TMEM178B: variants seen among roughly 807,000 people sequenced by gnomAD.
TMEM178B encodes transmembrane protein 178B.
TMEM178B carries 5 observed loss-of-function variants against 31.0 expected under a neutral mutation model. The ratio of observed to expected loss-of-function variants is 0.16; its 90% confidence interval spans 0.08 to 0.34. The LOEUF (loss-of-function observed/expected upper bound fraction) is 0.34. Among genes scored for constraint, TMEM178B ranks in the 10% least tolerant of loss-of-function variants. The pLI is 1.00. For synonymous variants in TMEM178B, 164 were observed against 164.0 expected (o/e 1.00, Z 0.00); for missense variants, 275 against 400.3 (o/e 0.69, Z 2.67).
At chr7:141,290,893 T>A (rs531329184) in intron 2 of TMEM178B, among the ~76,000 whole-genome samples, 3 of 152,284 alleles carry the variant, frequency 2.0e-5, no homozygotes, top group African/African-American at 7.2e-5. Context: ...CTGTGTCCCT[T>A]CCCAAGTGAT....
intron 2 of TMEM178B, among the ~76,000 whole-genome samples, chr7:141,393,678 A>G (rs1050283100): frequency 3.9e-5 from 6 of 152,206 alleles, no homozygotes; most frequent in Admixed American, 3.9e-4. Context: ...TCTTGCAAAG[A>G]TGTTCTCATA....
At chr7:141,326,505 G>T (rs921958437) in intron 2 of TMEM178B, among the ~76,000 whole-genome samples, 1 of 152,160 alleles carries the variant, frequency 6.6e-6, no homozygotes, top group Non-Finnish European at 1.5e-5. Context: ...ATGGGTAGAT[G>T]CCTCACAGTA....
chr7:141,275,760 G>A (rs1333612815), intron 2 of TMEM178B, among the ~76,000 whole-genome samples: 1 of 152,152 alleles, frequency 6.6e-6, no homozygotes, highest in African/African-American at 2.4e-5. Context: ...TCCAAGGAAA[G>A]CACTTCTATA....
the TMEM178B span, among the ~76,000 whole-genome samples, chr7:141,498,231 A>G: frequency 1.3e-5 from 2 of 152,220 alleles, no homozygotes. Context: ...TCTTCTACCA[A>G]TTCCAAGGCT....
intron 1 of TMEM178B, among the ~76,000 whole-genome samples, chr7:141,082,527 T>C (rs1464313066): frequency 6.6e-6 from 1 of 152,266 alleles, no homozygotes; most frequent in Non-Finnish European, 1.5e-5. Context: ...TGTATGCCCA[T>C]ATGTAATAAA....
chr7:141,271,653 T>C (rs1461438497), intron 2 of TMEM178B, among the ~76,000 whole-genome samples: 1 of 152,210 alleles, frequency 6.6e-6, no homozygotes, highest in Non-Finnish European at 1.5e-5. Flanking sequence ...CTGTCATTGA[T>C]CTTGGCTCCA....
At chr7:141,218,558 G>C in intron 2 of TMEM178B, among the ~76,000 whole-genome samples, 1 of 152,160 alleles carries the variant, frequency 6.6e-6, no homozygotes, top group East Asian at 1.9e-4. Context: ...CCCCAGGCTG[G>C]TGTATGGTGG....
At chr7:141,459,622 C>T (rs1274515517) in intron 3 of TMEM178B, among the ~76,000 whole-genome samples, 1 of 152,180 alleles carries the variant, frequency 6.6e-6, no homozygotes, top group Non-Finnish European at 1.5e-5. Flanking sequence ...AGGATTAGAA[C>T]ATAATGGGTA....
At chr7:141,434,357 G>A (rs1292339779) in intron 2 of TMEM178B, among the ~76,000 whole-genome samples, 1 of 152,212 alleles carries the variant, frequency 6.6e-6, no homozygotes, top group African/African-American at 2.4e-5. Flanking sequence ...CTCCAGCAAG[G>A]TGGGACTCTG....
intron 2 of TMEM178B, among the ~76,000 whole-genome samples, chr7:141,324,418 T>TG (rs201537088): frequency 0.03 from 941 of 31,678 alleles, 41 homozygotes; most frequent in African/African-American, 0.18. Context: ...AGACCAGGGT[T>TG]TTTTTTTTTT....
Position 141,437,704 on chromosome 7 carries a change from G to A in TMEM178B, c.593G>A (p.Gly198Asp). ...IGVLGCCWDRGLMQYVAGLLF... is the reference protein window; with the variant it reads ...IGVLGCCWDRDLMQYVAGLLF... The stretch of plus-strand genomic sequence containing the variant: ...GTGCTGGGCTGCTGCTGGGACCGAG[G>A]CCTTATGCAGTACGTGGCAGGGCTG... Residue 198 changes from glycine to aspartate, a missense_variant, in exon 3 of 4, where the codon GGC becomes GAC. Physicochemically the swap from Gly to Asp is moderately conservative, Grantham distance 94. Coordinates refer to ENST00000565468, the MANE Select transcript of TMEM178B (RefSeq NM_001195278.2). 6.5e-7 allele frequency: 1 copy of A among 1,536,218 alleles called. No individual in the cohort carries two copies. Among genetic ancestry groups the A allele is most frequent in the Non-Finnish European group, 8.7e-7 (1 of 1,146,924 alleles).
chr7:141,342,738 C>G (rs1301010631), intron 2 of TMEM178B, among the ~76,000 whole-genome samples: 1 of 152,048 alleles, frequency 6.6e-6, no homozygotes, highest in Non-Finnish European at 1.5e-5. Flanking sequence ...GTTTTTTGTT[C>G]CGTTCGAGTT....
chr7:141,153,441 C>A (rs1796012417), intron 1 of TMEM178B, among the ~76,000 whole-genome samples: 1 of 152,176 alleles, frequency 6.6e-6, no homozygotes, highest in Admixed American at 6.5e-5. Flanking sequence ...CAACTTTGTT[C>A]AGGCATCTTT....
chr7:141,088,806 G>A (rs1794830447), intron 1 of TMEM178B, among the ~76,000 whole-genome samples: 2 of 152,136 alleles, frequency 1.3e-5, no homozygotes, highest in Non-Finnish European at 2.9e-5. Flanking sequence ...GGGATATGGA[G>A]GCTTTAAGAA....
At chr7:141,329,706 C>T (rs1799262540) in intron 2 of TMEM178B, among the ~76,000 whole-genome samples, 1 of 152,210 alleles carries the variant, frequency 6.6e-6, no homozygotes, top group Non-Finnish European at 1.5e-5. Context: ...GTTCCAGAAA[C>T]ACTTACCCAG....
intron 2 of TMEM178B, among the ~76,000 whole-genome samples, chr7:141,285,207 G>A (rs1462682953): frequency 1.5e-5 from 2 of 136,394 alleles, no homozygotes; most frequent in African/African-American, 5.5e-5. Flanking sequence ...GTCGAGTGCA[G>A]TGGCATGATC....
chr7:141,452,768 A>G (rs1801890652), intron 3 of TMEM178B, among the ~76,000 whole-genome samples: 1 of 152,250 alleles, frequency 6.6e-6, no homozygotes, highest in Non-Finnish European at 1.5e-5. Flanking sequence ...TAGGCACTCT[A>G]TAAATGTTCA....
intron 1 of TMEM178B, among the ~76,000 whole-genome samples, chr7:141,152,978 G>A (rs1796001593): frequency 6.6e-6 from 1 of 152,180 alleles, no homozygotes; most frequent in African/African-American, 2.4e-5. Context: ...TGAAAAGGAG[G>A]TGCAGAGAAA....
At chr7:141,287,164 G>A (rs900083447) in intron 2 of TMEM178B, among the ~76,000 whole-genome samples, 1 of 152,060 alleles carries the variant, frequency 6.6e-6, no homozygotes, top group Non-Finnish European at 1.5e-5. Context: ...CATAGATGGT[G>A]TGAAATGAAT....
Sources: gnomAD v4.1 joint callset for allele counts (sites outside exome capture counted in the v4.1 genomes callset) on GRCh38, gnomAD v4.1.1 for gene constraint, MANE v1.5 for transcripts, NCBI Gene and HGNC (gene_info 2026-07-23, HGNC 2026-07-21) for gene names.